ATP10B: variants seen among roughly 807,000 people sequenced by gnomAD.
ATP10B encodes the protein ATPase phospholipid transporting 10B (putative).
Under a neutral mutation model 141.2 loss-of-function variants are expected in ATP10B, and 122 were observed. The ratio of observed to expected loss-of-function variants is 0.86; its 90% confidence interval spans 0.75 to 1.00. The LOEUF is 1.00. ATP10B is among the 50% of genes least tolerant of loss of function. The pLI, the probability that ATP10B is intolerant of heterozygous loss-of-function variation, is 0.00. For synonymous variants in ATP10B, 685 were observed against 692.0 expected (o/e 0.99, Z 0.16); for missense variants, 1,876 against 1,825.3 (o/e 1.03, Z -0.51).
chr5:160,702,918 T>G (rs933080729), intron 3 of ATP10B, among the ~76,000 whole-genome samples: 1 of 152,238 alleles, frequency 6.6e-6, no homozygotes, highest in African/African-American at 2.4e-5. Context: ...CTATTTTCTA[T>G]ATACCATTTT....
the ATP10B span, among the ~76,000 whole-genome samples, chr5:160,896,653 C>G: frequency 6.6e-6 from 1 of 152,026 alleles, no homozygotes; most frequent in Admixed American, 6.6e-5. Context: ...CTGTAACTAT[C>G]CAAACAATAG....
At chr5:160,728,395 A>G (rs776059015) in intron 2 of ATP10B, among the ~76,000 whole-genome samples, 2 of 152,180 alleles carry the variant, frequency 1.3e-5, no homozygotes, top group African/African-American at 4.8e-5. Flanking sequence ...CAATTATCTA[A>G]CTATACGTAT....
chr5:160,752,776 G>A (rs1179011143), intron 2 of ATP10B, among the ~76,000 whole-genome samples: 1 of 152,150 alleles, frequency 6.6e-6, no homozygotes. Context: ...CAATACAGAG[G>A]CTTCAGTGAA....
chr5:160,669,595 A>T (rs917831254), intron 7 of ATP10B, among the ~76,000 whole-genome samples: 1 of 146,458 alleles, frequency 6.8e-6, no homozygotes, highest in African/African-American at 2.5e-5. Flanking sequence ...ACAGACTGAG[A>T]GCCAGTCTCT....
intron 2 of ATP10B, among the ~76,000 whole-genome samples, chr5:160,748,576 A>T (rs144019574): frequency 1.3e-5 from 2 of 152,198 alleles, no homozygotes; most frequent in Non-Finnish European, 2.9e-5. Flanking sequence ...GCCCACTCTC[A>T]GTAGACCTGG....
chr5:160,837,014 G>A (rs1299437537), intron 1 of ATP10B, among the ~76,000 whole-genome samples: 3 of 151,972 alleles, frequency 2.0e-5, no homozygotes, highest in East Asian at 1.9e-4. Flanking sequence ...AACCCTTTGC[G>A]AAAATCATAC....
At chr5:160,650,368 G>A (rs538337225) in intron 7 of ATP10B, among the ~76,000 whole-genome samples, 2 of 152,244 alleles carry the variant, frequency 1.3e-5, no homozygotes, top group Admixed American at 1.3e-4. Context: ...GATTGAGCCA[G>A]TGTCCTTATA....
chr5:160,687,810 G>T lies in ATP10B; in HGVS notation c.265C>A (p.Gln89Lys), dbSNP rs746396522. The change falls in exon 5 of 26, where the codon CAA (glutamine) becomes AAA (lysine). Residue 89 changes from glutamine to lysine, a missense_variant. Transcript: ENST00000327245. ...FTFLPRNLFE[Q>K]FHRWANLYFL... ...CAAGTGGATCTCTACCTATGAAATTGCTCAAAGAGATTCCGGGGCAGGAAG... is the reference window on the plus strand; with the variant it reads ...CAAGTGGATCTCTACCTATGAAATTTCTCAAAGAGATTCCGGGGCAGGAAG... The T allele has an allele frequency of 5.0e-6, 8 of 1,613,664 alleles. No individual in the cohort carries two copies. Among genetic ancestry groups the T allele is most frequent in the Non-Finnish European group, 6.8e-6 (8 of 1,179,772 alleles).
At chr5:160,584,790 T>C (rs1285835114) in intron 24 of ATP10B, among the ~76,000 whole-genome samples, 3 of 152,202 alleles carry the variant, frequency 2.0e-5, no homozygotes, top group Non-Finnish European at 2.9e-5. Context: ...GTTAACCTTA[T>C]AGAGTTTATT....
At chr5:160,567,790 A>G (rs1754633630) in intron 25 of ATP10B, among the ~76,000 whole-genome samples, 2 of 152,128 alleles carry the variant, frequency 1.3e-5, no homozygotes, top group South Asian at 4.1e-4. Context: ...AGGTCTTGGG[A>G]AGCCCTTGGA....
intron 10 of ATP10B, among the ~76,000 whole-genome samples, chr5:160,639,975 A>T (rs1759712859): frequency 1.3e-5 from 2 of 152,226 alleles, no homozygotes; most frequent in South Asian, 2.1e-4. Flanking sequence ...TGTGCAGTTC[A>T]CAATAGGTTT....
chr5:160,598,934 A>G lies in ATP10B; in HGVS notation c.3400T>C (p.Cys1134Arg), dbSNP rs1756918051. Residue 1134 changes from cysteine (C) to arginine (R), a missense_variant, in exon 22 of 26, where the codon TGT becomes CGT. Coordinates refer to ENST00000327245, the MANE Select transcript of ATP10B (RefSeq NM_025153.3). ...VNLLFWYQFF[C>R]GFSSSTMIDY... Reference sequence around the variant, plus strand: ...ATCATGGTGGAGCTGGAGAAACCACAGAAGAACTGATACCAGAAGAGCAGG... The same window carrying G: ...ATCATGGTGGAGCTGGAGAAACCACGGAAGAACTGATACCAGAAGAGCAGG... The G allele has an allele frequency of 6.2e-7, 1 of 1,614,058 alleles. No homozygotes were observed.
At chr5:160,772,191 C>G (rs1325030003) in intron 2 of ATP10B, among the ~76,000 whole-genome samples, 4 of 152,220 alleles carry the variant, frequency 2.6e-5, no homozygotes, top group Admixed American at 2.6e-4. Flanking sequence ...TTTGAGGAAC[C>G]TCCATACAGT....
intron 17 of ATP10B, among the ~76,000 whole-genome samples, chr5:160,613,160 G>A (rs747476587): frequency 2.0e-5 from 3 of 152,166 alleles, no homozygotes; most frequent in Non-Finnish European, 4.4e-5. Context: ...GATACCATGC[G>A]AATATACACC....
At chr5:160,612,547 T>C (rs191512935) in intron 18 of ATP10B, 194 bp downstream of exon 18, 2 of 448,834 alleles carry the variant, frequency 4.5e-6, no homozygotes, top group Non-Finnish European at 7.9e-6. Context: ...CAGCTAGCCA[T>C]GTGTGGGGAT....
the ATP10B span, among the ~76,000 whole-genome samples, chr5:160,860,958 C>T: frequency 2.0e-5 from 3 of 151,964 alleles, no homozygotes; most frequent in Non-Finnish European, 2.9e-5. Context: ...CCCACCCAAA[C>T]TGCTTCAGTA....
intron 3 of ATP10B, among the ~76,000 whole-genome samples, chr5:160,716,102 CG>C (rs1765639782): frequency 6.6e-6 from 1 of 152,082 alleles, no homozygotes; most frequent in Admixed American, 6.6e-5. Context: ...AATTTGCACA[CG>C]TGCACAAGGA....
At chr5:160,774,222 G>A (rs982657535) in intron 2 of ATP10B, among the ~76,000 whole-genome samples, 4 of 152,190 alleles carry the variant, frequency 2.6e-5, no homozygotes, top group African/African-American at 7.2e-5. Flanking sequence ...AGCAACTGGA[G>A]GTCCCGGCAA....
chr5:160,776,551 A>T (rs1007285117), intron 2 of ATP10B, among the ~76,000 whole-genome samples: 2 of 152,196 alleles, frequency 1.3e-5, no homozygotes, highest in Admixed American at 6.5e-5. Context: ...CAAGAAATGT[A>T]CCAGGTTGAC....
Sources: gnomAD v4.1 joint callset for allele counts (sites outside exome capture counted in the v4.1 genomes callset) on GRCh38, gnomAD v4.1.1 for gene constraint, MANE v1.5 for transcripts, NCBI Gene and HGNC (gene_info 2026-07-23, HGNC 2026-07-21) for gene names.